Variants in TAF4B observed in about 807,000 individuals in gnomAD.
The protein encoded by TAF4B is TATA-box binding protein associated factor 4b, also known as transcription initiation factor TFIID subunit 4B.
A neutral mutation model predicts 86.4 loss-of-function variants in TAF4B; 38 were observed. That is an observed-to-expected ratio of 0.44 (90% CI 0.34 to 0.58). TAF4B has a LOEUF of 0.58. Ranked by LOEUF, TAF4B falls within the 20% of genes least tolerant of loss-of-function variation. TAF4B has a pLI of 0.02. For missense variants in TAF4B, 988 were observed against 1,027.6 expected, an observed-to-expected ratio of 0.96 and a Z score of 0.53; for synonymous variants, 388 against 391.2, an observed-to-expected ratio of 0.99 and a Z score of 0.10.
rs1555677504 is a variant in TAF4B, at chr18:26,285,222, G to GTTTTTTTTGTTTTTTTTTTTT, written c.973-652_973-651insGTTTTTTTTTTTTTTTTTTTT. Among the ~76,000 whole-genome samples, 49 of 45,692 alleles carry GTTTTTTTTGTTTTTTTTTTTT rather than the reference G, an allele frequency of 1.1e-3. 1 individual carries two copies. The highest frequency in any genetic ancestry group is 2.7e-3 in the South Asian group (2 of 736). The allele number at this position is 45,692 out of a possible 152,430, so 30.0% of individuals were successfully genotyped here. A position where few individuals can be genotyped will look rare whatever the true frequency, so the allele number is the denominator to read the frequency against. On this transcript the variant is annotated intron_variant, in intron 6 of 14. Transcript: ENST00000269142. The stretch of plus-strand genomic sequence containing the variant: ...ATTTCTTCCTTTCCTTTTTTTTTTT[G>GTTTTTTTTGTTTTTTTTTTTT]TTTTTTTTTTTTTTGGAGATGGGGT...
intron 7 of TAF4B, among the ~76,000 whole-genome samples, chr18:26,290,340 T>C (rs1156457425): frequency 6.6e-6 from 1 of 152,092 alleles, no homozygotes; most frequent in Non-Finnish European, 1.5e-5. Flanking sequence ...AGAGACAGGG[T>C]CTTGCTATAT....
intron 13 of TAF4B, among the ~76,000 whole-genome samples, chr18:26,349,603 A>G (rs2057227965): frequency 6.6e-6 from 1 of 152,240 alleles, no homozygotes. Context: ...CAGAAGAATT[A>G]ATATTGTTAC....
At chr18:26,229,812 A>AT (rs1201385958) in intron 1 of TAF4B, among the ~76,000 whole-genome samples, 4 of 152,130 alleles carry the variant, frequency 2.6e-5, no homozygotes, top group African/African-American at 9.7e-5. Flanking sequence ...TGAATCTTGT[A>AT]CTATTTCCTT....
At chr18:26,372,065 C>T (rs1423729677) in intron 14 of TAF4B, among the ~76,000 whole-genome samples, 1 of 152,062 alleles carries the variant, frequency 6.6e-6, no homozygotes, top group Non-Finnish European at 1.5e-5. Flanking sequence ...TGCCTCACAA[C>T]GGATCCTGAA....
chr18:26,250,264 G>A lies in TAF4B; in HGVS notation c.344-14906G>A, dbSNP rs537456103. Among the ~76,000 whole-genome samples the A allele has an allele frequency of 4.5e-3, 682 of 152,234 alleles. 6 individuals are homozygous for A. Among genetic ancestry groups the A allele is most frequent in the African/African-American group, 0.013 (540 of 41,546 alleles). The stretch of plus-strand genomic sequence containing the variant: ...TCCTATCCCAGCACTTTGGGAGGCC[G>A]AGGCAGGCGGATCACGAGGTCAGGA... On this transcript the variant is annotated intron_variant, in intron 1 of 14. Coordinates refer to ENST00000269142, the MANE Select transcript of TAF4B (RefSeq NM_005640.3).
intron 3 of TAF4B, among the ~76,000 whole-genome samples, chr18:26,272,244 C>G (rs2056329193): frequency 6.6e-6 from 1 of 152,182 alleles, no homozygotes; most frequent in Admixed American, 6.6e-5. Flanking sequence ...GAGAGTGCAG[C>G]TTAAATCACC....
chr18:26,264,403 C>T (rs1489221846), intron 1 of TAF4B, among the ~76,000 whole-genome samples: 1 of 152,006 alleles, frequency 6.6e-6, no homozygotes, highest in African/African-American at 2.4e-5. Flanking sequence ...ATCGTCTGGG[C>T]GACAGAGCGA....
rs1392082370 is a variant in TAF4B, at chr18:26,227,103, C to T, written c.170C>T (p.Thr57Met). ...KAPVSVCVEP[T>M]ASQPLRSPVG... Reference sequence around the variant, plus strand: ...CCTGTCAGCGTCTGCGTGGAGCCCACGGCGTCCCAGCCCCTGCGGTCCCCC... The same window carrying T: ...CCTGTCAGCGTCTGCGTGGAGCCCATGGCGTCCCAGCCCCTGCGGTCCCCC... The change falls in exon 1 of 15, where the codon ACG becomes ATG. Residue 57 changes from threonine to methionine, a missense_variant. This residue lies in a region of TAF4B where 747 missense variants were observed against 737.9 expected (regional missense o/e 1.01). Transcript: ENST00000269142. The T allele has an allele frequency of 2.5e-6, 4 of 1,611,974 alleles. No homozygotes were observed. Among genetic ancestry groups the T allele is most frequent in the Middle Eastern group, 1.7e-4 (1 of 6,060 alleles).
chr18:26,347,725 A>G (rs1295982713), intron 13 of TAF4B, among the ~76,000 whole-genome samples: 1 of 152,216 alleles, frequency 6.6e-6, no homozygotes, highest in Non-Finnish European at 1.5e-5. Context: ...AAAGTGAAGA[A>G]TAGAAAAAGA....
intron 11 of TAF4B, among the ~76,000 whole-genome samples, chr18:26,325,982 C>T (rs933849947): frequency 2.6e-5 from 4 of 152,098 alleles, no homozygotes; most frequent in Non-Finnish European, 5.9e-5. Flanking sequence ...TTGAATCAAC[C>T]ATAAGCAGGG....
At chr18:26,329,727 T>C (rs2057036211) in intron 12 of TAF4B, among the ~76,000 whole-genome samples, 1 of 152,212 alleles carries the variant, frequency 6.6e-6, no homozygotes, top group African/African-American at 2.4e-5. Context: ...GCTGCACTCT[T>C]CTCAGCTGAT....
chr18:26,310,425 T>A (rs1676990), intron 9 of TAF4B, among the ~76,000 whole-genome samples: 2 of 151,944 alleles, frequency 1.3e-5, no homozygotes, highest in Non-Finnish European at 2.9e-5. Context: ...ACGCTACATT[T>A]GAGTTAATAA....
At chr18:26,323,526 ATTTTTT>A (rs11310174) in intron 11 of TAF4B, among the ~76,000 whole-genome samples, 1 of 130,726 alleles carries the variant, frequency 7.6e-6, no homozygotes. Flanking sequence ...CACCCAACTA[ATTTTTT>A]TTTTTTTTTT....
chr18:26,320,516 T>G (rs1372281680), intron 10 of TAF4B, among the ~76,000 whole-genome samples: 7 of 152,210 alleles, frequency 4.6e-5, no homozygotes, highest in Non-Finnish European at 4.4e-5. Flanking sequence ...TGAACCCATT[T>G]GAACTTGTAA....
intron 9 of TAF4B, among the ~76,000 whole-genome samples, chr18:26,308,598 C>T (rs895129026): frequency 6.6e-6 from 1 of 151,956 alleles, no homozygotes; most frequent in Non-Finnish European, 1.5e-5. Flanking sequence ...TTAGGCCAGG[C>T]GTAGTGGCTC....
intron 9 of TAF4B, among the ~76,000 whole-genome samples, chr18:26,309,889 C>T (rs1051100792): frequency 7.9e-5 from 12 of 152,014 alleles, no homozygotes; most frequent in Admixed American, 2.0e-4. Context: ...AGTGCAGTGG[C>T]GCGATCTCAG....
chr18:26,260,807 G>A lies in TAF4B; in HGVS notation c.344-4363G>A, dbSNP rs192931867. ...TTTAAAAATAATATCTATCTCTAGT[G>A]ATATTCTAGATGTATCACACCTTTC... is the stretch of plus-strand genomic sequence containing the variant. On this transcript the variant is annotated intron_variant, in intron 1 of 14. Coordinates refer to ENST00000269142, the MANE Select transcript of TAF4B (RefSeq NM_005640.3). 1.7e-3 allele frequency among the ~76,000 whole-genome samples: 264 copies of A among 152,292 alleles called. 1 individual carries two copies. Among genetic ancestry groups the A allele is most frequent in the African/African-American group, 5.7e-3 (237 of 41,560 alleles).
intron 1 of TAF4B, among the ~76,000 whole-genome samples, chr18:26,252,627 T>A (rs2056022366): frequency 6.6e-6 from 1 of 151,644 alleles, no homozygotes; most frequent in Non-Finnish European, 1.5e-5. Flanking sequence ...GTATTGACAC[T>A]CTGTACACTT....
intron 13 of TAF4B, among the ~76,000 whole-genome samples, chr18:26,335,941 C>A (rs528260728): frequency 6.6e-6 from 1 of 152,222 alleles, no homozygotes; most frequent in Admixed American, 6.5e-5. Flanking sequence ...TTTAATTGAG[C>A]CTTAATATTG....
Sources: allele counts gnomAD v4.1 joint callset (sites outside exome capture counted in the v4.1 genomes callset), GRCh38; gene constraint gnomAD v4.1.1; regional missense constraint gnomAD v4.1.1; transcripts MANE v1.5; gene names NCBI Gene and HGNC (gene_info 2026-07-23, HGNC 2026-07-21).